SPOCK1: variants seen among roughly 807,000 people sequenced by gnomAD.
SPOCK1 encodes the protein SPARC (osteonectin), cwcv and kazal like domains proteoglycan 1.
SPOCK1 carries 23 observed loss-of-function variants against 55.3 expected under a neutral mutation model. The observed-to-expected ratio is 0.42, with a 90% CI of 0.30 to 0.59. SPOCK1 has a LOEUF of 0.59. SPOCK1 is among the 20% of genes least tolerant of loss of function. The pLI, the probability that SPOCK1 is intolerant of heterozygous loss-of-function variation, is 0.22. For synonymous variants in SPOCK1, 226 were observed against 221.0 expected (o/e 1.02, Z -0.20); for missense variants, 499 against 552.5 (o/e 0.90, Z 0.97).
At chr5:137,254,045 A>T (rs1756589801) in intron 3 of SPOCK1, among the ~76,000 whole-genome samples, 1 of 152,224 alleles carries the variant, frequency 6.6e-6, no homozygotes, top group South Asian at 2.1e-4. Flanking sequence ...TAATTTTATC[A>T]TTACAAACTG....
intron 6 of SPOCK1, among the ~76,000 whole-genome samples, chr5:137,016,736 G>C (rs1263759943): frequency 6.6e-6 from 1 of 152,220 alleles, no homozygotes. Context: ...GTAGAGAAAG[G>C]CTGCCCAGGC....
chr5:137,474,110 G>A (rs10062801), intron 2 of SPOCK1, among the ~76,000 whole-genome samples: 33,555 of 151,950 alleles, frequency 0.22, 3,884 homozygotes, highest in Admixed American at 0.31. Flanking sequence ...GGAGGGGAGC[G>A]AGGGATAAAA....
intron 5 of SPOCK1, among the ~76,000 whole-genome samples, chr5:137,109,064 G>A (rs780191782): frequency 2.0e-5 from 3 of 152,186 alleles, no homozygotes; most frequent in South Asian, 2.1e-4. Flanking sequence ...CTCCTCCTGC[G>A]AATGAGTGGC....
rs539603437 is a variant in SPOCK1, at chr5:137,092,003, C to T, written c.474+20432G>A. 7.9e-5 allele frequency among the ~76,000 whole-genome samples: 12 copies of T among 152,188 alleles called. No homozygotes were observed. In the East Asian group the frequency reaches 1.4e-3, roughly 17 times the overall value. ...TTTTCCCGTCAAGTCCCTCAGTGGG[C>T]GACAGAGACCTTCCTGATCTGGCCC... is the stretch of plus-strand genomic sequence containing the variant. On this transcript the variant is annotated intron_variant, in intron 5 of 10. Coordinates refer to ENST00000394945, the MANE Select transcript of SPOCK1 (RefSeq NM_004598.4).
At chr5:137,275,905 C>T (rs72794579) in intron 2 of SPOCK1, among the ~76,000 whole-genome samples, 6,306 of 152,284 alleles carry the variant, frequency 0.041, 190 homozygotes, top group Non-Finnish European at 0.06. Flanking sequence ...CCCCTCTCCT[C>T]TGCCTTGGGT....
intron 3 of SPOCK1, among the ~76,000 whole-genome samples, chr5:137,192,561 CA>C (rs1316285050): frequency 1.2e-4 from 19 of 152,210 alleles, no homozygotes; most frequent in African/African-American, 4.3e-4. Context: ...CTAGCATGGG[CA>C]GGGGCAAACA....
At chr5:137,477,478 G>A (rs1753859989) in intron 2 of SPOCK1, among the ~76,000 whole-genome samples, 1 of 152,146 alleles carries the variant, frequency 6.6e-6, no homozygotes. Context: ...TCAAGGTTGG[G>A]AAGACACTTG....
At chr5:137,005,811 A>G (rs1169783771) in intron 6 of SPOCK1, among the ~76,000 whole-genome samples, 1 of 152,188 alleles carries the variant, frequency 6.6e-6, no homozygotes, top group Non-Finnish European at 1.5e-5. Flanking sequence ...TGAAGAAACA[A>G]AAGACAACAA....
At chr5:137,220,965 G>C (rs1046981234) in intron 3 of SPOCK1, among the ~76,000 whole-genome samples, 9 of 152,132 alleles carry the variant, frequency 5.9e-5, no homozygotes, top group African/African-American at 2.2e-4. Context: ...ATTATTCTTA[G>C]AATCACTCAT....
intron 3 of SPOCK1, among the ~76,000 whole-genome samples, chr5:137,181,139 G>A (rs777499744): frequency 5.9e-5 from 9 of 152,144 alleles, no homozygotes; most frequent in Non-Finnish European, 1.3e-4. Flanking sequence ...GAAAACGCTC[G>A]ATGGAAGGAA....
intron 2 of SPOCK1, among the ~76,000 whole-genome samples, chr5:137,343,794 A>G (rs1750492033): frequency 1.3e-5 from 2 of 152,222 alleles, no homozygotes; most frequent in South Asian, 4.1e-4. Flanking sequence ...CAGCATGAGA[A>G]TATCAGAAAG....
chr5:137,477,745 C>A (rs545922640), intron 2 of SPOCK1, among the ~76,000 whole-genome samples: 1 of 152,216 alleles, frequency 6.6e-6, no homozygotes, highest in Non-Finnish European at 1.5e-5. Flanking sequence ...GCACCCCTTG[C>A]TAAGCTCCAC....
At chr5:137,003,428 T>C (rs1417367476) in intron 6 of SPOCK1, among the ~76,000 whole-genome samples, 1 of 152,302 alleles carries the variant, frequency 6.6e-6, no homozygotes, top group East Asian at 1.9e-4. Flanking sequence ...GTTGTATAAA[T>C]ATGTATATTT....
intron 2 of SPOCK1, among the ~76,000 whole-genome samples, chr5:137,281,888 C>A (rs1757171048): frequency 6.6e-6 from 1 of 152,196 alleles, no homozygotes; most frequent in Admixed American, 6.5e-5. Flanking sequence ...CAGCTTGGAG[C>A]TAAAATTAAC....
At position 137,002,789 on chromosome 5, in the gene SPOCK1, G is replaced by A. The variant is rs369369914; in HGVS notation, c.590-10189C>T. Among the ~76,000 whole-genome samples, 32 of 152,332 alleles carry A rather than the reference G, an allele frequency of 2.1e-4. No individual in the cohort carries two copies. The East Asian group carries it at 3.9e-3, about 18-fold the overall frequency. ...CTGGACTACTGAGAGAGCCATGGGG[G>A]AAGGGGAAGGACAGAGTCCTGGGAA... On this transcript the variant is annotated intron_variant, in intron 6 of 10. Transcript: ENST00000394945.
At chr5:137,332,805 G>GA (rs34654317) in intron 2 of SPOCK1, among the ~76,000 whole-genome samples, 6 of 152,160 alleles carry the variant, frequency 3.9e-5, no homozygotes, top group African/African-American at 1.4e-4. Flanking sequence ...GATGTCTGCT[G>GA]AAAAAATGCA....
chr5:137,000,880 C>T (rs1019826261), intron 6 of SPOCK1, among the ~76,000 whole-genome samples: 1 of 152,014 alleles, frequency 6.6e-6, no homozygotes, highest in Admixed American at 6.6e-5. Context: ...ACTAAAAATA[C>T]AAAAATTATC....
chr5:137,183,067 G>A (rs998250468), intron 3 of SPOCK1, among the ~76,000 whole-genome samples: 5 of 152,106 alleles, frequency 3.3e-5, no homozygotes, highest in African/African-American at 7.2e-5. Context: ...AGTCTCTACC[G>A]GGAAGGAACA....
chr5:137,356,822 TATATATATATATATATAG>T (rs1447390200), intron 2 of SPOCK1, among the ~76,000 whole-genome samples: 15 of 23,244 alleles, frequency 6.5e-4, no homozygotes, highest in African/African-American at 2.3e-3. Context: ...TATATATATA[TATATATATATATATATAG>T]AGAGAGAGAG....
Sources: gnomAD v4.1 joint callset for allele counts (sites outside exome capture counted in the v4.1 genomes callset) on GRCh38, gnomAD v4.1.1 for gene constraint, MANE v1.5 for transcripts, NCBI Gene and HGNC (gene_info 2026-07-23, HGNC 2026-07-21) for gene names.